The following CRIM1 variants were observed in gnomAD, a reference collection of about 807,000 sequenced individuals.
CRIM1 encodes cysteine-rich motor neuron 1 protein.
CRIM1 carries 32 observed loss-of-function variants against 116.4 expected under a neutral mutation model. That is an observed-to-expected ratio of 0.27 (90% CI 0.21 to 0.37). The LOEUF (loss-of-function observed/expected upper bound fraction) is 0.37, where lower values mean the gene tolerates loss of function less well. Ranked by LOEUF, CRIM1 falls within the 10% of genes least tolerant of loss-of-function variation. CRIM1 has a pLI of 1.00. For synonymous variants in CRIM1, 590 were observed against 509.2 expected, an observed-to-expected ratio of 1.16 and a Z score of -2.13; for missense variants, 1,331 against 1,354.8, an observed-to-expected ratio of 0.98 and a Z score of 0.28.
At chr2:36,479,443 G>C (rs1259144251) in intron 6 of CRIM1, 54 bp from the exon 7 acceptor site, 3 of 1,563,742 alleles carry the variant, frequency 1.9e-6, no homozygotes, top group Non-Finnish European at 2.6e-6. Context: ...GGTACTGACA[G>C]AGATAAGATT....
intron 1 of CRIM1, among the ~76,000 whole-genome samples, chr2:36,381,096 C>T (rs565175229): frequency 4.6e-5 from 7 of 152,328 alleles, no homozygotes; most frequent in Non-Finnish European, 7.3e-5. Context: ...CCTCCCTGCC[C>T]GCCTTCTTGC....
chr2:36,417,523 A>G (rs938886901), intron 2 of CRIM1, among the ~76,000 whole-genome samples: 2 of 152,082 alleles, frequency 1.3e-5, no homozygotes, highest in African/African-American at 4.8e-5. Flanking sequence ...TCTAGACTCA[A>G]TCTATTTCAT....
intron 8 of CRIM1, 24 bp from the exon 9 acceptor site, chr2:36,509,959 C>T (rs1408194195): frequency 1.2e-6 from 2 of 1,607,568 alleles, no homozygotes; most frequent in East Asian, 2.2e-5. Flanking sequence ...TTGGAAGAAA[C>T]ATGCCGTCTC....
At chr2:36,365,299 A>G (rs974800235) in intron 1 of CRIM1, among the ~76,000 whole-genome samples, 6 of 152,244 alleles carry the variant, frequency 3.9e-5, no homozygotes, top group Non-Finnish European at 8.8e-5. Context: ...TATTAATGGC[A>G]TATGGTTTTA....
rs190020932 is a variant in CRIM1 at position 36,488,953 on chromosome 2, C to T, written c.1372+9259C>T. Among the ~76,000 whole-genome samples the T allele has an allele frequency of 1.3e-4, 20 of 152,234 alleles. No individual in the cohort carries two copies. In the East Asian group the frequency reaches 3.7e-3, roughly 28 times the overall value. Reference sequence around the variant, plus strand: ...GAGAGTTGATTTGCAAGCCACCGCTCGACCAGCACCAGAACTCAAAGCATG... The same window carrying T: ...GAGAGTTGATTTGCAAGCCACCGCTTGACCAGCACCAGAACTCAAAGCATG... On this transcript the variant is annotated intron_variant, in intron 7 of 16. Coordinates refer to ENST00000280527, the MANE Select transcript of CRIM1 (RefSeq NM_016441.3).
chr2:36,478,666 C>T lies in CRIM1; in HGVS notation c.1175-831C>T, dbSNP rs77379861. Among the ~76,000 whole-genome samples the T allele has an allele frequency of 6.4e-3, 968 of 152,262 alleles. 5 individuals are homozygous for T. The highest frequency in any genetic ancestry group is 0.024 in the Middle Eastern group (7 of 294). On this transcript the variant is annotated intron_variant, in intron 6 of 16. Coordinates refer to ENST00000280527, the MANE Select transcript of CRIM1 (RefSeq NM_016441.3). Reference sequence around the variant, plus strand: ...TGTCCTTAGAATAATGATGACCAAACTCTATGAACTGTCTGGATTCCTCTC... The same window carrying T: ...TGTCCTTAGAATAATGATGACCAAATTCTATGAACTGTCTGGATTCCTCTC...
At chr2:36,524,253 A>G (rs769523628) in intron 13 of CRIM1, among the ~76,000 whole-genome samples, 6 of 152,172 alleles carry the variant, frequency 3.9e-5, no homozygotes, top group Non-Finnish European at 7.3e-5. Flanking sequence ...AAGTGGAGCG[A>G]AAAATGTATC....
chr2:36,362,364 C>T (rs954077694), intron 1 of CRIM1, among the ~76,000 whole-genome samples: 1 of 152,142 alleles, frequency 6.6e-6, no homozygotes, highest in African/African-American at 2.4e-5. Context: ...GTAGCCCTTT[C>T]TTTTGGCAGG....
intron 10 of CRIM1, 140 bp from the exon 11 acceptor site, chr2:36,513,416 A>G (rs1304583327): frequency 2.7e-5 from 18 of 658,920 alleles, no homozygotes; most frequent in South Asian, 9.5e-5. Context: ...AATTCTTTTC[A>G]TGAACATGTC....
chr2:36,482,224 C>G (rs543536680), intron 7 of CRIM1, among the ~76,000 whole-genome samples: 11 of 152,240 alleles, frequency 7.2e-5, no homozygotes, highest in Non-Finnish European at 1.3e-4. Context: ...AATAATTTAT[C>G]TTGCTTTTCT....
At chr2:36,425,313 G>A (rs1271699200) in intron 2 of CRIM1, among the ~76,000 whole-genome samples, 1 of 152,178 alleles carries the variant, frequency 6.6e-6, no homozygotes, top group Non-Finnish European at 1.5e-5. Flanking sequence ...GCCCTCAACT[G>A]TTAGATATAC....
At chr2:36,424,082 T>C (rs1674273558) in intron 2 of CRIM1, among the ~76,000 whole-genome samples, 1 of 152,224 alleles carries the variant, frequency 6.6e-6, no homozygotes, top group South Asian at 2.1e-4. Context: ...AGGCATTATG[T>C]TGGGCTACAA....
chr2:36,520,550 A>C (rs1665316242), intron 12 of CRIM1, among the ~76,000 whole-genome samples: 1 of 152,202 alleles, frequency 6.6e-6, no homozygotes, highest in Non-Finnish European at 1.5e-5. Flanking sequence ...GTGGAATCAT[A>C]TCTGTAATAG....
At chr2:36,517,605 T>G in intron 12 of CRIM1, 63 bp downstream of exon 12, 1 of 1,522,760 alleles carries the variant, frequency 6.6e-7, no homozygotes, top group Non-Finnish European at 9.0e-7. Flanking sequence ...GTGTTGTCAT[T>G]CTGTGGGACC....
chr2:36,458,542 T>G (rs953529709), intron 4 of CRIM1, among the ~76,000 whole-genome samples: 4 of 152,110 alleles, frequency 2.6e-5, no homozygotes, highest in Admixed American at 6.5e-5. Flanking sequence ...CGGCCTTGCT[T>G]AGAGTTCTTT....
intron 1 of CRIM1, among the ~76,000 whole-genome samples, chr2:36,363,626 C>T (rs969690858): frequency 1.4e-5 from 2 of 143,466 alleles, no homozygotes; most frequent in African/African-American, 2.5e-5. Context: ...TATTATTTTG[C>T]ATTGATTTGT....
chr2:36,399,186 G>C (rs1672246842), intron 2 of CRIM1, among the ~76,000 whole-genome samples: 1 of 152,244 alleles, frequency 6.6e-6, no homozygotes, highest in South Asian at 2.1e-4. Flanking sequence ...CTTAAACATT[G>C]TGCAACAAGC....
At chr2:36,452,414 C>T (rs1676803209) in intron 4 of CRIM1, among the ~76,000 whole-genome samples, 2 of 152,036 alleles carry the variant, frequency 1.3e-5, no homozygotes, top group Admixed American at 6.6e-5. Flanking sequence ...ATTCTGTTGC[C>T]CTCTGTCACA....
Position 36,402,976 on chromosome 2 carries a change from T to G in CRIM1, c.505+6189T>G, listed in dbSNP as rs74758876. ...TCATTAAGTAGAATTCATACATACATGCTCTATGGTGTATAATTACAAAGA... is the reference window on the plus strand; with the variant it reads ...TCATTAAGTAGAATTCATACATACAGGCTCTATGGTGTATAATTACAAAGA... On this transcript the variant is annotated intron_variant, in intron 2 of 16. Transcript: ENST00000280527. 2.1e-4 allele frequency among the ~76,000 whole-genome samples: 32 copies of G among 152,300 alleles called. No homozygotes were observed. The East Asian group carries it at 5.8e-3, about 28-fold the overall frequency.
Sources: gnomAD v4.1 joint callset for allele counts (sites outside exome capture counted in the v4.1 genomes callset) on GRCh38, gnomAD v4.1.1 for gene constraint, MANE v1.5 for transcripts, NCBI Gene and HGNC (gene_info 2026-07-23, HGNC 2026-07-21) for gene names.